Variants in KIAA0825 observed in about 807,000 individuals in gnomAD.
KIAA0825 encodes the protein uncharacterized protein KIAA0825.
A neutral mutation model predicts 147.6 loss-of-function variants in KIAA0825; 119 were observed. The ratio of observed to expected loss-of-function variants is 0.81; its 90% CI spans 0.69 to 0.94. KIAA0825 has a LOEUF of 0.94. Ranked by LOEUF, KIAA0825 falls within the 40% of genes least tolerant of loss-of-function variation. The pLI is 0.00. For missense variants in KIAA0825, 1,381 were observed against 1,472.7 expected (o/e 0.94, Z 1.02); for synonymous variants, 470 against 518.1 (o/e 0.91, Z 1.26).
At chr5:94,466,157 C>A (rs2150968617) in intron 10 of KIAA0825, among the ~76,000 whole-genome samples, 1 of 152,036 alleles carries the variant, frequency 6.6e-6, no homozygotes, top group Admixed American at 6.6e-5. Context: ...TTCTCTTATA[C>A]CAAAAGTTGA....
At chr5:94,471,275 T>C (rs982716045) in intron 9 of KIAA0825, among the ~76,000 whole-genome samples, 191 bp downstream of exon 9, 1 of 152,142 alleles carries the variant, frequency 6.6e-6, no homozygotes, top group African/African-American at 2.4e-5. Flanking sequence ...TTACTATCTA[T>C]GTATCTAGTT....
At chr5:94,529,313 CAT>C (rs59681054) in intron 3 of KIAA0825, among the ~76,000 whole-genome samples, 211 of 138,464 alleles carry the variant, frequency 1.5e-3, no homozygotes, top group African/African-American at 5.2e-3. Flanking sequence ...ATGTATATAT[CAT>C]ATATATGTAT....
chr5:94,601,401 T>C (rs1786423097), intron 1 of KIAA0825, among the ~76,000 whole-genome samples: 1 of 151,712 alleles, frequency 6.6e-6, no homozygotes, highest in African/African-American at 2.4e-5. Context: ...CATCCAAAGG[T>C]CAGCAACCTC....
chr5:94,464,993 A>G lies in KIAA0825; in HGVS notation c.1939T>C (p.Trp647Arg), dbSNP rs1718075939. The change falls in exon 11 of 21, where the codon TGG becomes CGG. Residue 647 changes from tryptophan to arginine, a missense_variant. Transcript: ENST00000682413. ...GCTAACTTAGGAGGCAGAATGGTCC[A>G]GAGATCGTAATGAAGAGACCAGCAG... ...YFCWSLHYDL[W>R]TILPPKLAQE... 2 of 1,551,736 alleles carry G rather than the reference A, an allele frequency of 1.3e-6. No individual in the cohort carries two copies. The highest frequency in any genetic ancestry group is 2.4e-5 in the East Asian group (1 of 40,920).
intron 11 of KIAA0825, among the ~76,000 whole-genome samples, chr5:94,464,143 A>C (rs1760199684): frequency 6.6e-6 from 1 of 151,664 alleles, no homozygotes; most frequent in East Asian, 1.9e-4. Flanking sequence ...AGATTATTCT[A>C]CCTAAAAGGT....
chr5:94,596,416 C>A (rs1179683957), intron 1 of KIAA0825, among the ~76,000 whole-genome samples: 3 of 152,104 alleles, frequency 2.0e-5, no homozygotes, highest in Non-Finnish European at 4.4e-5. Context: ...TTTCTGGGCT[C>A]TCTATCCTTC....
rs192280399 is a variant in KIAA0825 at position 94,470,000 on chromosome 5, A to G, written c.1833T>C (p.Ala611=). 963 of 1,551,780 alleles carry G rather than the reference A, an allele frequency of 6.2e-4. 3 individuals are homozygous for G. In the African/African-American group the frequency reaches 0.01, roughly 17 times the overall value. ...RVCATSILQD[A]ESHHWDDYKA... is the part of the protein sequence containing the mutation. ...TGTAGTCATCCCAGTGGTGGCTCTC[A>G]GCATCCTGTAAAATGCTTGTAGCAC... The change falls in exon 10 of 21, where the codon GCT becomes GCC. Residue 611 remains alanine, a synonymous_variant. Transcript: ENST00000682413.
chr5:94,575,609 GC>G (rs2152340170), intron 2 of KIAA0825, among the ~76,000 whole-genome samples: 1 of 152,322 alleles, frequency 6.6e-6, no homozygotes, highest in Admixed American at 6.5e-5. Context: ...CAATAGTAAA[GC>G]CAAAGTATGG....
chr5:94,432,833 C>T (rs1304444990), intron 14 of KIAA0825, among the ~76,000 whole-genome samples: 3 of 152,008 alleles, frequency 2.0e-5, no homozygotes, highest in African/African-American at 7.3e-5. Flanking sequence ...TGAGACCAGC[C>T]TGGGCAACAT....
intron 20 of KIAA0825, among the ~76,000 whole-genome samples, chr5:94,198,174 T>G (rs1771318993): frequency 6.6e-6 from 1 of 152,158 alleles, no homozygotes; most frequent in African/African-American, 2.4e-5. Context: ...ATTGTAGAGA[T>G]CTTTATCTTC....
In KIAA0825 at chr5:94,374,446, C is replaced by A. The variant is rs567061554; in HGVS notation, c.3710+9922G>T. Among the ~76,000 whole-genome samples, 47 of 152,284 alleles carry A rather than the reference C, an allele frequency of 3.1e-4. 1 individual carries two copies. In the South Asian group the frequency reaches 8.3e-3, roughly 27 times the overall value. On this transcript the variant is annotated intron_variant, in intron 20 of 20. Transcript: ENST00000682413. ...TCTCCCCATATGTAAGAGAATTACT[C>A]TCTCTGTCTTTGCTGTGGTAGCCAC... is the stretch of plus-strand genomic sequence containing the variant.
intron 20 of KIAA0825, among the ~76,000 whole-genome samples, chr5:94,242,406 T>G (rs1775391877): frequency 6.6e-6 from 1 of 152,194 alleles, no homozygotes; most frequent in Non-Finnish European, 1.5e-5. Flanking sequence ...AACAATTCTT[T>G]GAGCACCTAA....
At chr5:94,613,600 TACTC>T (rs955656879) in intron 1 of KIAA0825, among the ~76,000 whole-genome samples, 2 of 152,230 alleles carry the variant, frequency 1.3e-5, no homozygotes, top group African/African-American at 4.8e-5. Flanking sequence ...GTCATAAAAG[TACTC>T]AATCTAGGGA....
At chr5:94,406,871 T>C (rs1752137211) in intron 15 of KIAA0825, among the ~76,000 whole-genome samples, 1 of 152,176 alleles carries the variant, frequency 6.6e-6, no homozygotes, top group Non-Finnish European at 1.5e-5. Flanking sequence ...CAGATTGTCA[T>C]GATTTGTCTT....
chr5:94,515,936 A>G (rs989791575), intron 5 of KIAA0825, among the ~76,000 whole-genome samples: 1 of 152,220 alleles, frequency 6.6e-6, no homozygotes, highest in African/African-American at 2.4e-5. Context: ...AAAGATTGTT[A>G]AATCAAAAAG....
At chr5:94,296,694 C>T (rs2150174086) in intron 20 of KIAA0825, among the ~76,000 whole-genome samples, 1 of 152,184 alleles carries the variant, frequency 6.6e-6, no homozygotes, top group Non-Finnish European at 1.5e-5. Flanking sequence ...GGTGAGGGGA[C>T]ATCCCTCCCC....
At chr5:94,390,121 A>G (rs936111113) in intron 18 of KIAA0825, among the ~76,000 whole-genome samples, 1 of 152,212 alleles carries the variant, frequency 6.6e-6, no homozygotes, top group Non-Finnish European at 1.5e-5. Context: ...TAACCGGATA[A>G]CTGATGGCCA....
chr5:94,319,490 A>T (rs1465261939), intron 20 of KIAA0825, among the ~76,000 whole-genome samples: 1 of 151,884 alleles, frequency 6.6e-6, no homozygotes, highest in African/African-American at 2.4e-5. Flanking sequence ...CAAACGTAGT[A>T]TCTCCAAAAG....
chr5:94,308,886 T>C (rs1212913709), intron 20 of KIAA0825, among the ~76,000 whole-genome samples: 1 of 151,768 alleles, frequency 6.6e-6, no homozygotes, highest in African/African-American at 2.4e-5. Flanking sequence ...TCCATTGAAA[T>C]TGGATTTAAA....
Sources: allele counts gnomAD v4.1 joint callset (sites outside exome capture counted in the v4.1 genomes callset), GRCh38; gene constraint gnomAD v4.1.1; transcripts MANE v1.5; gene names NCBI Gene and HGNC (gene_info 2026-07-23, HGNC 2026-07-21).